Variants in STK32B observed in about 807,000 individuals in gnomAD.
STK32B encodes serine/threonine kinase 32B, also known as serine/threonine-protein kinase 32B.
In STK32B, 43 loss-of-function variants were observed where a neutral mutation model predicts 52.6. The ratio of observed to expected loss-of-function variants is 0.82; its 90% CI spans 0.64 to 1.05. The LOEUF (loss-of-function observed/expected upper bound fraction) is 1.05, where lower values mean the gene tolerates loss of function less well. Ranked by LOEUF, STK32B falls within the 50% of genes least tolerant of loss-of-function variation. STK32B has a pLI of 0.00. For missense variants in STK32B, 621 were observed against 534.6 expected (o/e 1.16, Z -1.59); for synonymous variants, 238 against 204.3 (o/e 1.17, Z -1.41).
At chr4:5,114,534 C>A (rs754934214) in intron 1 of STK32B, among the ~76,000 whole-genome samples, 4 of 152,068 alleles carry the variant, frequency 2.6e-5, no homozygotes, top group Non-Finnish European at 4.4e-5. Context: ...AATGAGCTCC[C>A]AGTAAATATG....
chr4:5,247,820 C>G (rs1297602280), intron 3 of STK32B, among the ~76,000 whole-genome samples: 1 of 151,882 alleles, frequency 6.6e-6, no homozygotes, highest in African/African-American at 2.4e-5. Flanking sequence ...TTTTTTGTTT[C>G]TTTTTCCCAT....
chr4:5,233,090 T>C (rs1017068331), intron 3 of STK32B, among the ~76,000 whole-genome samples: 2 of 152,178 alleles, frequency 1.3e-5, no homozygotes, highest in African/African-American at 4.8e-5. Context: ...TCAGATTACC[T>C]AATATGATGC....
At chr4:5,382,816 G>A (rs1224121631) in intron 4 of STK32B, among the ~76,000 whole-genome samples, 6 of 152,110 alleles carry the variant, frequency 3.9e-5, no homozygotes, top group East Asian at 1.9e-4. Flanking sequence ...CACAACAGCC[G>A]TTACAGACAG....
intron 1 of STK32B, among the ~76,000 whole-genome samples, chr4:5,136,225 A>G (rs1339457532): frequency 6.6e-6 from 1 of 152,222 alleles, no homozygotes; most frequent in Non-Finnish European, 1.5e-5. Flanking sequence ...TGAGCAAATA[A>G]TGCCGCCAAT....
intron 1 of STK32B, 127 bp from the exon 2 acceptor site, chr4:5,139,778 G>A: frequency 9.9e-7 from 1 of 1,010,820 alleles, no homozygotes; most frequent in South Asian, 1.4e-5. Flanking sequence ...CGGCTGCTCT[G>A]GCAAGTATAG....
At chr4:5,323,321 TG>T (rs1209162226) in intron 3 of STK32B, among the ~76,000 whole-genome samples, 1 of 152,108 alleles carries the variant, frequency 6.6e-6, no homozygotes, top group Admixed American at 6.5e-5. Flanking sequence ...AGGCCCTGGC[TG>T]TTGCAGAGAG....
At chr4:5,073,875 T>C (rs999115839) in intron 1 of STK32B, among the ~76,000 whole-genome samples, 1 of 152,112 alleles carries the variant, frequency 6.6e-6, no homozygotes, top group Non-Finnish European at 1.5e-5. Context: ...AGGTAGTGTG[T>C]TTTTTTATTC....
chr4:5,494,143 T>G (rs1719992306), intron 11 of STK32B, among the ~76,000 whole-genome samples: 1 of 152,150 alleles, frequency 6.6e-6, no homozygotes, highest in Admixed American at 6.5e-5. Flanking sequence ...TTGTTAACTT[T>G]CTGTCTCGTT....
intron 3 of STK32B, among the ~76,000 whole-genome samples, chr4:5,322,624 A>C (rs544307623): frequency 1.2e-4 from 18 of 152,278 alleles, no homozygotes; most frequent in Non-Finnish European, 2.6e-4. Context: ...CAAATAGTTC[A>C]AGTGGCATTG....
intron 4 of STK32B, among the ~76,000 whole-genome samples, chr4:5,352,262 T>C (rs1206335022): frequency 6.6e-6 from 1 of 152,094 alleles, no homozygotes; most frequent in Non-Finnish European, 1.5e-5. Flanking sequence ...AAGTAGAATT[T>C]ATCTCAGGAA....
chr4:5,170,521 C>T (rs997710749), intron 3 of STK32B, among the ~76,000 whole-genome samples: 8 of 151,692 alleles, frequency 5.3e-5, no homozygotes, highest in Non-Finnish European at 1.2e-4. Context: ...CATGTGTTCT[C>T]ATTGTTCAAT....
intron 6 of STK32B, among the ~76,000 whole-genome samples, chr4:5,445,174 A>T (rs967784498): frequency 6.6e-5 from 10 of 152,272 alleles, no homozygotes; most frequent in Admixed American, 5.9e-4. Flanking sequence ...GTGAAAGTGC[A>T]CTTAGAAAAT....
chr4:5,180,440 G>C (rs1720265820), intron 3 of STK32B, among the ~76,000 whole-genome samples: 2 of 152,148 alleles, frequency 1.3e-5, no homozygotes, highest in Non-Finnish European at 2.9e-5. Flanking sequence ...CTAGTAAGTG[G>C]AGGAGATGGG....
At chr4:5,431,818 G>A (rs10937643) in intron 6 of STK32B, among the ~76,000 whole-genome samples, 6,321 of 152,182 alleles carry the variant, frequency 0.042, 152 homozygotes, top group East Asian at 0.13. Flanking sequence ...ATATGTAAGC[G>A]TGTGACACCT....
intron 3 of STK32B, among the ~76,000 whole-genome samples, chr4:5,303,408 T>A (rs527507669): frequency 1.3e-5 from 2 of 152,220 alleles, no homozygotes; most frequent in Non-Finnish European, 2.9e-5. Context: ...CATTGTGGTT[T>A]TTATTTACAC....
At chr4:5,148,430 G>A (rs1181447526) in intron 2 of STK32B, among the ~76,000 whole-genome samples, 1 of 151,678 alleles carries the variant, frequency 6.6e-6, no homozygotes. Flanking sequence ...AATTTGATAT[G>A]TTGTATTTTA....
At chr4:5,196,504 C>T (rs866166145) in intron 3 of STK32B, among the ~76,000 whole-genome samples, 1 of 151,850 alleles carries the variant, frequency 6.6e-6, no homozygotes, top group Middle Eastern at 3.4e-3. Flanking sequence ...GCGTAGATCA[C>T]GAGGTCAGGA....
At chr4:5,097,741 A>C (rs964558425) in intron 1 of STK32B, among the ~76,000 whole-genome samples, 3 of 152,210 alleles carry the variant, frequency 2.0e-5, no homozygotes, top group Non-Finnish European at 4.4e-5. Context: ...AATCATGTCG[A>C]TATGTGATTC....
rs529467065 is a variant in STK32B, at chr4:5,201,600, T to A, written c.260+33150T>A. ...TTGTTCTCACACTGCTATAAGGAGC[T>A]ACCTGAGACTGGGTCATTTATAAAG... On this transcript the variant is annotated intron_variant, in intron 3 of 11. Coordinates refer to ENST00000282908, the MANE Select transcript of STK32B (RefSeq NM_018401.3). Among the ~76,000 whole-genome samples the A allele has an allele frequency of 2.0e-5, 3 of 152,316 alleles. No individual in the cohort carries two copies. The East Asian group carries it at 5.8e-4, about 29-fold the overall frequency.
Sources: gnomAD v4.1 joint callset for allele counts (sites outside exome capture counted in the v4.1 genomes callset) on GRCh38, gnomAD v4.1.1 for gene constraint, MANE v1.5 for transcripts, NCBI Gene and HGNC (gene_info 2026-07-23, HGNC 2026-07-21) for gene names.